The following FREM2 variants were observed in gnomAD, a reference collection of about 807,000 sequenced individuals.
FREM2 encodes FRAS1 related extracellular matrix 2.
In FREM2, 119 loss-of-function variants were observed where a neutral mutation model predicts 219.9. The observed-to-expected ratio is 0.54, with a 90% confidence interval of 0.47 to 0.63. The LOEUF (loss-of-function observed/expected upper bound fraction) is 0.63, where lower values mean the gene tolerates loss of function less well. Among genes scored for constraint, FREM2 ranks in the 30% least tolerant of loss-of-function variants. FREM2 has a pLI of 0.00. For synonymous variants in FREM2, 1,562 were observed against 1,522.8 expected, an observed-to-expected ratio of 1.03 and a Z score of -0.60; for missense variants, 4,030 against 3,993.6, an observed-to-expected ratio of 1.01 and a Z score of -0.25.
At chr13:38,790,200 G>A (rs1347223634) in intron 6 of FREM2, among the ~76,000 whole-genome samples, 1 of 152,134 alleles carries the variant, frequency 6.6e-6, no homozygotes, top group Non-Finnish European at 1.5e-5. Flanking sequence ...AGCTCCATAA[G>A]AGGATGGGTT....
chr13:38,704,481 T>C (rs557277567), intron 2 of FREM2, among the ~76,000 whole-genome samples: 4 of 152,276 alleles, frequency 2.6e-5, no homozygotes, highest in African/African-American at 9.6e-5. Flanking sequence ...AGAAGAAACC[T>C]TCCAGGTGGC....
rs1034339922 is a variant in FREM2 at position 38,886,599 on chromosome 13, T to C, written c.*5812T>C. On this transcript the variant is annotated 3_prime_UTR_variant, in exon 24 of 24. Transcript: ENST00000280481. The stretch of plus-strand genomic sequence containing the variant: ...TTTTAGTAGAGACAGGGTTTCTCCA[T>C]GTTGGTCAGGCTGATCTCGAACTCC... 10 of 152,288 alleles carry C rather than the reference T, an allele frequency of 6.6e-5. No homozygotes were observed. The East Asian group carries it at 1.5e-3, about 24-fold the overall frequency. 9.4% of individuals were successfully genotyped at this position (152,288 alleles called of 1,614,324 possible). A position where few individuals can be genotyped will look rare whatever the true frequency, so the allele number is the denominator to read the frequency against.
At chr13:38,715,729 T>G (rs1003968106) in intron 2 of FREM2, among the ~76,000 whole-genome samples, 7 of 152,150 alleles carry the variant, frequency 4.6e-5, no homozygotes, top group African/African-American at 1.7e-4. Context: ...GGATCTAGAA[T>G]GATCATTCTA....
rs201985889 is a variant in FREM2, at chr13:38,876,445, G to GT, written c.8544+64dup. The GT allele has an allele frequency of 2.0e-4, 219 of 1,111,062 alleles. No homozygotes were observed. The African/African-American group carries it at 3.0e-3, about 15-fold the overall frequency. 68.8% of individuals were successfully genotyped at this position (1,111,062 alleles called of 1,614,324 possible). On this transcript the variant is annotated intron_variant, in intron 20 of 23. Transcript: ENST00000280481. ...ATCCCACTTTGTTTTTCATTTATTA[G>GT]TAAAAAAAAAAAAAATCCACACGTG... is the stretch of plus-strand genomic sequence containing the variant.
rs888443236 is a variant in FREM2, at chr13:38,881,697, G to C, written c.*910G>C. ...TGTTTGCAGTATTGAACCCATAAAT[G>C]ATAATAAGAAACATTGTTACAGATG... On this transcript the variant is annotated 3_prime_UTR_variant, in exon 24 of 24. Coordinates refer to ENST00000280481, the MANE Select transcript of FREM2 (RefSeq NM_207361.6). 1 of 152,536 alleles carries C rather than the reference G, an allele frequency of 6.6e-6. No homozygotes were observed. Among genetic ancestry groups the C allele is most frequent in the African/African-American group, 2.4e-5 (1 of 41,432 alleles). The allele number at this position is 152,536 out of a possible 1,614,324, so 9.4% of individuals were successfully genotyped here. A position where few individuals can be genotyped will look rare whatever the true frequency, so the allele number is the denominator to read the frequency against.
chr13:38,728,323 G>A (rs999089030), intron 2 of FREM2, among the ~76,000 whole-genome samples: 2 of 152,108 alleles, frequency 1.3e-5, no homozygotes, highest in African/African-American at 2.4e-5. Context: ...TACAATGAGC[G>A]TGAGCTTTGT....
At chr13:38,805,875 A>C (rs1875207119) in intron 6 of FREM2, among the ~76,000 whole-genome samples, 1 of 151,932 alleles carries the variant, frequency 6.6e-6, no homozygotes, top group African/African-American at 2.4e-5. Context: ...AGGCCCTTTT[A>C]AATAAGCTGT....
rs995389480 is a variant in FREM2 at position 38,697,790 on chromosome 13, A to G, written c.5263+3A>G. On this transcript the variant is annotated splice_donor_region_variant and intron_variant, in intron 2 of 23. Transcript: ENST00000280481. ...CTATTTTGCAGTTGAAGATGGTGGT[A>G]AGTATTCCCCTCTCCTGGTAGTGAC... 1.3e-6 allele frequency: 2 copies of G among 1,559,288 alleles called. No homozygotes were observed. The highest frequency in any genetic ancestry group is 1.4e-5 in the African/African-American group (1 of 73,752).
chr13:38,769,641 A>G lies in FREM2; in HGVS notation c.5474A>G (p.Gln1825Arg). The G allele has an allele frequency of 6.2e-7, 1 of 1,614,200 alleles. No homozygotes were observed. The highest frequency in any genetic ancestry group is 8.5e-7 in the Non-Finnish European group (1 of 1,180,014). The change falls in exon 4 of 24, where the codon CAA becomes CGA. Residue 1825 changes from glutamine to arginine, a missense_variant. Physicochemically the swap from Gln to Arg is conservative, Grantham distance 43. Transcript: ENST00000280481. ...GACTTCAAGGGCAAAGCACAGAAAC[A>G]AGTGCAGTTCAACCCAGGCCAGACC... is the stretch of plus-strand genomic sequence containing the variant. ...DKDFKGKAQK[Q>R]VQFNPGQTRA...
chr13:38,771,405 A>G (rs938713571), intron 4 of FREM2, among the ~76,000 whole-genome samples: 2 of 152,082 alleles, frequency 1.3e-5, no homozygotes, highest in East Asian at 3.8e-4. Context: ...TTGATATTTC[A>G]TTTCCCAACT....
In FREM2 at chr13:38,691,460, G is replaced by C; in HGVS notation, c.4116G>C (p.Gln1372His). The C allele has an allele frequency of 6.2e-7, 1 of 1,614,130 alleles. No homozygotes were observed. The highest frequency in any genetic ancestry group is 8.5e-7 in the Non-Finnish European group (1 of 1,180,020). ...TCACACTGGGCATGAATTTTACCCA[G>C]GATGAAGTAGACAGAAACTTAATTC... is the stretch of plus-strand genomic sequence containing the variant. ...ENITLGMNFT[Q>H]DEVDRNLIQY... is the part of the protein sequence containing the mutation. The change falls in exon 1 of 24, where the codon CAG (glutamine) becomes CAC (histidine). Residue 1372 changes from glutamine to histidine, a missense_variant. This residue lies in a region of FREM2 where 3,102 missense variants were observed against 2,950.7 expected (regional missense o/e 1.05). Coordinates refer to ENST00000280481, the MANE Select transcript of FREM2 (RefSeq NM_207361.6).
intron 6 of FREM2, among the ~76,000 whole-genome samples, chr13:38,818,440 C>A (rs1336137965): frequency 6.6e-6 from 1 of 151,902 alleles, no homozygotes; most frequent in African/African-American, 2.4e-5. Flanking sequence ...CACAGAAAGA[C>A]AAATACCACA....
At chr13:38,813,462 TTTTC>T (rs1875575677) in intron 6 of FREM2, among the ~76,000 whole-genome samples, 1 of 118,950 alleles carries the variant, frequency 8.4e-6, no homozygotes, top group African/African-American at 3.2e-5. Context: ...ATGTTATTTG[TTTTC>T]TCTCTCTCTC....
intron 6 of FREM2, among the ~76,000 whole-genome samples, chr13:38,792,757 G>A (rs1400688781): frequency 7.7e-6 from 1 of 130,008 alleles, no homozygotes; most frequent in Non-Finnish European, 1.7e-5. Flanking sequence ...TTTATGCAAA[G>A]CACTTTGATT....
chr13:38,758,769 G>A (rs1156833581), intron 2 of FREM2, among the ~76,000 whole-genome samples: 2 of 152,198 alleles, frequency 1.3e-5, no homozygotes, highest in Non-Finnish European at 2.9e-5. Flanking sequence ...TTTAATTTTA[G>A]ATCTTCACCA....
chr13:38,860,256 C>T (rs1043589528), intron 14 of FREM2, among the ~76,000 whole-genome samples: 7 of 152,058 alleles, frequency 4.6e-5, no homozygotes, highest in African/African-American at 1.4e-4. Context: ...TGCAAATTAA[C>T]ACCTTGGTAT....
intron 2 of FREM2, among the ~76,000 whole-genome samples, chr13:38,703,518 C>G (rs755704520): frequency 1.3e-5 from 2 of 152,064 alleles, no homozygotes; most frequent in Non-Finnish European, 2.9e-5. Flanking sequence ...AAGCCTTTCA[C>G]TCTTCATTGA....
At chr13:38,862,941 C>CA (rs1400840618) in intron 15 of FREM2, among the ~76,000 whole-genome samples, 4 of 152,164 alleles carry the variant, frequency 2.6e-5, no homozygotes, top group African/African-American at 9.7e-5. Flanking sequence ...ATTGAACAGT[C>CA]AACAGAGACC....
At chr13:38,761,578 A>T (rs1873226429) in intron 2 of FREM2, among the ~76,000 whole-genome samples, 1 of 152,240 alleles carries the variant, frequency 6.6e-6, no homozygotes, top group Admixed American at 6.5e-5. Context: ...AAATTAGTAC[A>T]ATTTAGTACA....
Sources: allele counts gnomAD v4.1 joint callset (sites outside exome capture counted in the v4.1 genomes callset), GRCh38; gene constraint gnomAD v4.1.1; regional missense constraint gnomAD v4.1.1; transcripts MANE v1.5; gene names NCBI Gene and HGNC (gene_info 2026-07-23, HGNC 2026-07-21).